Variants in SNTB2 observed in about 807,000 individuals in gnomAD.
The protein encoded by SNTB2 is beta-2-syntrophin.
A neutral mutation model predicts 46.2 loss-of-function variants in SNTB2; 34 were observed. The observed-to-expected ratio is 0.74, with a 90% CI of 0.56 to 0.98. SNTB2 has a LOEUF of 0.98. Ranked by LOEUF, SNTB2 falls within the 50% of genes least tolerant of loss-of-function variation. The pLI is 0.00. For synonymous variants in SNTB2, 290 were observed against 312.6 expected, an observed-to-expected ratio of 0.93 and a Z score of 0.76; for missense variants, 603 against 731.4, an observed-to-expected ratio of 0.82 and a Z score of 2.02.
chr16:69,272,638 T>A (rs1964948871), intron 4 of SNTB2, among the ~76,000 whole-genome samples: 1 of 150,086 alleles, frequency 6.7e-6, no homozygotes, highest in Non-Finnish European at 1.5e-5. Context: ...ACGCCTGTAA[T>A]CACAACACTT....
rs1049422987 is a variant in SNTB2, at chr16:69,305,414, A to C, written c.*4490A>C. 1.3e-5 allele frequency: 2 copies of C among 152,214 alleles called. No individual in the cohort carries two copies. Among genetic ancestry groups the C allele is most frequent in the African/African-American group, 4.8e-5 (2 of 41,434 alleles). 9.4% of individuals were successfully genotyped at this position (152,214 alleles called of 1,614,324 possible). On this transcript the variant is annotated 3_prime_UTR_variant, in exon 7 of 7. Transcript: ENST00000336278. ...TTGTACATAATATTTAAACTATCCA[A>C]ATATCCAGCATACATTTCCATGTGG...
intron 3 of SNTB2, among the ~76,000 whole-genome samples, chr16:69,268,805 C>A (rs1964910341): frequency 6.6e-6 from 1 of 151,706 alleles, no homozygotes; most frequent in Admixed American, 6.6e-5. Flanking sequence ...GCAGAGGTTG[C>A]AGTAAGCAGA....
At position 69,187,190 on chromosome 16, in the gene SNTB2, G is replaced by C. The variant is rs745407883; in HGVS notation, c.24G>C (p.Ala8=). 190 of 1,380,742 alleles carry C rather than the reference G, an allele frequency of 1.4e-4. No individual in the cohort carries two copies. The highest frequency in any genetic ancestry group is 1.7e-4 in the Non-Finnish European group (182 of 1,065,162). 85.5% of individuals were successfully genotyped at this position (1,380,742 alleles called of 1,614,324 possible). A position where few individuals can be genotyped will look rare whatever the true frequency, so the allele number is the denominator to read the frequency against. The change falls in exon 1 of 7, where the codon GCG becomes GCC. Residue 8 remains alanine (A), a synonymous_variant. Transcript: ENST00000336278. ...GAATGAGGGTAGCTGCGGCGACTGC[G>C]GCGGCTGGAGCGGGGCCGGCCATGG... The part of the protein sequence containing the change: MRVAAAT[A]AAGAGPAMAV...
intron 1 of SNTB2, among the ~76,000 whole-genome samples, chr16:69,220,452 G>T (rs1053025643): frequency 2.0e-5 from 3 of 151,622 alleles, no homozygotes; most frequent in Non-Finnish European, 4.4e-5. Context: ...GAGCCACTGC[G>T]CCTGGCCAAG....
chr16:69,226,017 C>T (rs1964456408), intron 1 of SNTB2, among the ~76,000 whole-genome samples: 1 of 151,994 alleles, frequency 6.6e-6, no homozygotes, highest in South Asian at 2.1e-4. Flanking sequence ...ATCTGCCCGC[C>T]TCGGCCTCCC....
rs71148981 is a variant in SNTB2, at chr16:69,278,889, A to AGTGTGTGTGT, written c.1149-5124_1149-5115dup. Among the ~76,000 whole-genome samples the AGTGTGTGTGT allele has an allele frequency of 1.5e-3, 212 of 141,002 alleles. 3 individuals are homozygous for AGTGTGTGTGT. Among genetic ancestry groups the AGTGTGTGTGT allele is most frequent in the Middle Eastern group, 3.5e-3 (1 of 282 alleles). The allele number at this position is 141,002 out of a possible 152,430, so 92.5% of individuals were successfully genotyped here. ...TTTATTGATGGACAGAGGTGGGAAG[A>AGTGTGTGTGT]GTGTGTGTGTGTGTGTGTGTGTGTG... On this transcript the variant is annotated intron_variant, in intron 4 of 6. Coordinates refer to ENST00000336278, the MANE Select transcript of SNTB2 (RefSeq NM_006750.4).
At chr16:69,211,186 A>C (rs1964282562) in intron 1 of SNTB2, among the ~76,000 whole-genome samples, 1 of 152,112 alleles carries the variant, frequency 6.6e-6, no homozygotes, top group Admixed American at 6.6e-5. Flanking sequence ...GTTTGAAAGC[A>C]ATGAAAAAAA....
chr16:69,281,304 T>G (rs924950508), intron 4 of SNTB2, among the ~76,000 whole-genome samples: 2 of 151,686 alleles, frequency 1.3e-5, no homozygotes, highest in Non-Finnish European at 2.9e-5. Context: ...CGATCTCGGC[T>G]CACTGCAACC....
intron 3 of SNTB2, among the ~76,000 whole-genome samples, chr16:69,264,234 A>T (rs1395827577): frequency 6.6e-6 from 1 of 152,168 alleles, no homozygotes; most frequent in Non-Finnish European, 1.5e-5. Context: ...CAAAAAAGTC[A>T]GGGTTTAGCC....
intron 1 of SNTB2, among the ~76,000 whole-genome samples, chr16:69,214,389 C>T (rs1964325775): frequency 6.6e-6 from 1 of 151,854 alleles, no homozygotes; most frequent in African/African-American, 2.4e-5. Flanking sequence ...CTCAAGTGAT[C>T]TGCCCACCTC....
At position 69,246,816 on chromosome 16, in the gene SNTB2, C is replaced by G. The variant is rs1292912898; in HGVS notation, c.794+1001C>G. The stretch of plus-strand genomic sequence containing the variant: ...AGAGTGTATGTGTCGAGGAATTTAT[C>G]CATTTCTCACTCATAGGTGGGAATT... On this transcript the variant is annotated intron_variant, in intron 2 of 6. Coordinates refer to ENST00000336278, the MANE Select transcript of SNTB2 (RefSeq NM_006750.4). 1.2e-4 allele frequency among the ~76,000 whole-genome samples: 18 copies of G among 146,734 alleles called. No homozygotes were observed. In the Admixed American group the frequency reaches 1.3e-3, roughly 10 times the overall value.
Position 69,308,262 on chromosome 16 carries a change from G to T in SNTB2, c.*7338G>T, listed in dbSNP as rs1965330109. 1 of 152,574 alleles carries T rather than the reference G, an allele frequency of 6.6e-6. No individual in the cohort carries two copies. The highest frequency in any genetic ancestry group is 2.4e-5 in the African/African-American group (1 of 41,418). The allele number at this position is 152,574 out of a possible 1,614,324, so 9.5% of individuals were successfully genotyped here. On this transcript the variant is annotated 3_prime_UTR_variant, in exon 7 of 7. Transcript: ENST00000336278. ...GAAGAAATGTCTTTCCTTCTATCTG[G>T]GTCCTGTTAAAGCGGGTGTCAGTTG...
chr16:69,296,995 C>CT (rs1243515247), intron 5 of SNTB2, among the ~76,000 whole-genome samples: 1 of 147,480 alleles, frequency 6.8e-6, no homozygotes, highest in African/African-American at 2.5e-5. Flanking sequence ...GAGTGAGACT[C>CT]TTATCTCAAA....
intron 1 of SNTB2, among the ~76,000 whole-genome samples, chr16:69,207,178 G>A (rs1412661223): frequency 7.6e-6 from 1 of 131,756 alleles, no homozygotes; most frequent in Non-Finnish European, 1.6e-5. Flanking sequence ...TTTGAGAGAT[G>A]GTGTCTTGCT....
chr16:69,214,354 G>C (rs538924198), intron 1 of SNTB2, among the ~76,000 whole-genome samples: 12 of 151,210 alleles, frequency 7.9e-5, no homozygotes, highest in Non-Finnish European at 1.5e-4. Flanking sequence ...CACCATGTTG[G>C]CCAGGCTGGT....
chr16:69,245,682 C>G lies in SNTB2; in HGVS notation c.661C>G (p.Gln221Glu), dbSNP rs772972973. The part of the protein sequence containing the change: ...SDLPWEGAAP[Q>E]SPSFSGSEDS... ...TCTGCCGTGGGAAGGTGCAGCCCCCCAGTCACCAAGCTTTAGTGGCAGTGA... is the reference window on the plus strand; with the variant it reads ...TCTGCCGTGGGAAGGTGCAGCCCCCGAGTCACCAAGCTTTAGTGGCAGTGA... The change falls in exon 2 of 7, where the codon CAG (glutamine) becomes GAG (glutamate). Residue 221 changes from glutamine to glutamate, a missense_variant. Gln to Glu is a conservative substitution (Grantham distance 29). Transcript: ENST00000336278. The G allele has an allele frequency of 1.2e-6, 2 of 1,614,010 alleles. No individual in the cohort carries two copies. Among genetic ancestry groups the G allele is most frequent in the African/African-American group, 2.7e-5 (2 of 74,902 alleles).
At chr16:69,198,710 T>A (rs1201200877) in intron 1 of SNTB2, among the ~76,000 whole-genome samples, 1 of 152,198 alleles carries the variant, frequency 6.6e-6, no homozygotes, top group Non-Finnish European at 1.5e-5. Flanking sequence ...CGGATGGCTG[T>A]TAACTTTGTG....
chr16:69,247,912 G>A (rs192649160), intron 2 of SNTB2, among the ~76,000 whole-genome samples: 1 of 152,022 alleles, frequency 6.6e-6, no homozygotes, highest in Admixed American at 6.5e-5. Flanking sequence ...AAAGCCAGAA[G>A]TTTAAGACCA....
intron 2 of SNTB2, among the ~76,000 whole-genome samples, chr16:69,251,468 TAAAAAA>T (rs71148976): frequency 1.5e-4 from 16 of 106,130 alleles, no homozygotes; most frequent in Admixed American, 1.5e-3. Context: ...ATGTTTAGTT[TAAAAAA>T]AAAAAAAAAA....
Sources: allele counts gnomAD v4.1 joint callset (sites outside exome capture counted in the v4.1 genomes callset), GRCh38; gene constraint gnomAD v4.1.1; transcripts MANE v1.5; gene names NCBI Gene and HGNC (gene_info 2026-07-23, HGNC 2026-07-21).